POLI: variants seen among roughly 807,000 people sequenced by gnomAD.
The protein encoded by POLI is RAD30 homolog B.
Under a neutral mutation model 51.6 loss-of-function variants are expected in POLI, and 58 were observed. The observed-to-expected ratio is 1.12, with a 90% confidence interval of 0.91 to 1.40. The LOEUF (loss-of-function observed/expected upper bound fraction) is 1.40. POLI is among the 40% of genes most tolerant of loss of function. The pLI is 0.00. For missense variants in POLI, 921 were observed against 871.3 expected (o/e 1.06, Z -0.72); for synonymous variants, 322 against 299.7 (o/e 1.07, Z -0.77).
intron 3 of POLI, among the ~76,000 whole-genome samples, chr18:54,317,478 G>A (rs934443136): frequency 6.6e-6 from 1 of 152,176 alleles, no homozygotes; most frequent in African/African-American, 2.4e-5. Context: ...GCAAAAAAGT[G>A]TTAGTGAAAA....
intron 3 of POLI, among the ~76,000 whole-genome samples, chr18:54,307,176 G>A (rs1175764542): frequency 6.6e-6 from 1 of 152,114 alleles, no homozygotes; most frequent in African/African-American, 2.4e-5. Context: ...TTTTAATTGT[G>A]ATGTTAGGGT....
intron 4 of POLI, 127 bp from the exon 5 acceptor site, chr18:54,280,540 T>C (rs2087447538): frequency 1.6e-6 from 1 of 642,368 alleles, no homozygotes; most frequent in Admixed American, 2.7e-5. Flanking sequence ...TACCAGGTGA[T>C]GATGGTGGTG....
rs1190005791 is a variant in POLI at position 54,277,736 on chromosome 18, G to T, written c.440G>T (p.Arg147Ile). The T allele has an allele frequency of 1.2e-6, 2 of 1,606,934 alleles. No individual in the cohort carries two copies. The highest frequency in any genetic ancestry group is 1.7e-5 in the Admixed American group (1 of 59,586). ...LLEEFSPVVE[R>I]LGFDENFVDL... is the part of the protein sequence containing the mutation. Reference sequence around the variant, plus strand: ...GAAGAATTTAGTCCAGTTGTTGAGAGACTTGGATTTGATGAAAATTTTGTG... The same window carrying T: ...GAAGAATTTAGTCCAGTTGTTGAGATACTTGGATTTGATGAAAATTTTGTG... Residue 147 changes from arginine to isoleucine, a missense_variant, in exon 4 of 10, where the codon AGA (arginine) becomes ATA (isoleucine). By Grantham distance (97) the Arg-to-Ile change is moderately conservative. Coordinates refer to ENST00000579534, the MANE Select transcript of POLI (RefSeq NM_007195.3).
intron 6 of POLI, 31 bp downstream of exon 6, chr18:54,283,046 C>T: frequency 7.6e-7 from 1 of 1,322,016 alleles, no homozygotes; most frequent in South Asian, 1.3e-5. Context: ...TAATTAAGTA[C>T]TGGTTATCAC....
chr18:54,273,848 A>C (rs546621151), intron 2 of POLI, 78 bp from the exon 3 acceptor site: 2 of 766,044 alleles, frequency 2.6e-6, no homozygotes, highest in South Asian at 3.6e-5. Context: ...AATTTAGACA[A>C]ATGTAATACG....
At chr18:54,286,444 C>T (rs3730764) in intron 7 of POLI, among the ~76,000 whole-genome samples, 4 of 151,698 alleles carry the variant, frequency 2.6e-5, no homozygotes, top group African/African-American at 9.7e-5. Context: ...ATAGTATATG[C>T]TCTTTTAAGA....
At chr18:54,278,994 G>C (rs1401785361) in intron 4 of POLI, among the ~76,000 whole-genome samples, 4 of 152,092 alleles carry the variant, frequency 2.6e-5, no homozygotes, top group Middle Eastern at 3.2e-3. Context: ...TTTTGTACTT[G>C]TGCTCATTTG....
intron 9 of POLI, among the ~76,000 whole-genome samples, chr18:54,292,939 T>G (rs1245104486): frequency 6.6e-6 from 1 of 152,068 alleles, no homozygotes; most frequent in Non-Finnish European, 1.5e-5. Context: ...GAAAGTACCT[T>G]GTATGTATTT....
intron 4 of POLI, among the ~76,000 whole-genome samples, chr18:54,278,651 G>T (rs919848785): frequency 3.3e-5 from 5 of 152,178 alleles, no homozygotes; most frequent in African/African-American, 1.2e-4. Context: ...AAGCAGAATG[G>T]TTTGTCTCCT....
At chr18:54,277,191 A>G (rs1425614140) in intron 3 of POLI, among the ~76,000 whole-genome samples, 8 of 152,364 alleles carry the variant, frequency 5.3e-5, no homozygotes, top group Middle Eastern at 3.4e-3. Context: ...GCTAATAAAA[A>G]TACCACGTTA....
chr18:54,314,642 A>C (rs2088708689), intron 3 of POLI, among the ~76,000 whole-genome samples: 1 of 151,812 alleles, frequency 6.6e-6, no homozygotes, highest in Non-Finnish European at 1.5e-5. Flanking sequence ...TCAATTTTGG[A>C]CTCATTAGTG....
chr18:54,319,743 C>A (rs1020274808), intron 3 of POLI, among the ~76,000 whole-genome samples: 25 of 151,970 alleles, frequency 1.6e-4, no homozygotes, highest in African/African-American at 6.0e-4. Flanking sequence ...GATGACAGGG[C>A]AAGGAGAAGG....
chr18:54,281,741 TG>T (rs2087508190), intron 5 of POLI, among the ~76,000 whole-genome samples: 1 of 138,158 alleles, frequency 7.2e-6, no homozygotes, highest in African/African-American at 2.5e-5. Flanking sequence ...TTCGAGTTCT[TG>T]TATCTTTTTT....
rs748735279 is a variant in POLI, at chr18:54,269,605, A to G, written c.59A>G (p.Asp20Gly). 30 of 1,501,926 alleles carry G rather than the reference A, an allele frequency of 2.0e-5. No homozygotes were observed. The Middle Eastern group carries it at 9.4e-4, about 47-fold the overall frequency. The allele number at this position is 1,501,926 out of a possible 1,614,324, so 93.0% of individuals were successfully genotyped here. A position where few individuals can be genotyped will look rare whatever the true frequency, so the allele number is the denominator to read the frequency against. The change falls in exon 1 of 10, where the codon GAC (aspartate) becomes GGC (glycine). Residue 20 changes from aspartate to glycine, a missense_variant. Physicochemically the swap from Asp to Gly is moderately conservative, Grantham distance 94 (BLOSUM62 -1). Coordinates refer to ENST00000579534, the MANE Select transcript of POLI (RefSeq NM_007195.3). ...EEGGGDDDEEDAEAWAMELAD... is the reference protein window; with the variant it reads ...EEGGGDDDEEGAEAWAMELAD... ...GGCGGCGGCGACGACGACGAGGAAG[A>G]CGCCGAGGCCTGGGCCATGGAACTG... is the stretch of plus-strand genomic sequence containing the variant.
chr18:54,319,184 A>G (rs2088766946), intron 3 of POLI, among the ~76,000 whole-genome samples: 1 of 152,180 alleles, frequency 6.6e-6, no homozygotes, highest in South Asian at 2.1e-4. Flanking sequence ...CCATCATATC[A>G]GATCTCTACT....
intron 3 of POLI, among the ~76,000 whole-genome samples, chr18:54,307,974 G>C (rs2088616436): frequency 6.6e-6 from 1 of 150,980 alleles, no homozygotes; most frequent in Non-Finnish European, 1.5e-5. Flanking sequence ...GCTTATGTGT[G>C]TCTCTGCACG....
Position 54,294,793 on chromosome 18 carries a change from G to T in POLI, c.*326G>T. On this transcript the variant is annotated 3_prime_UTR_variant, in exon 10 of 10. Transcript: ENST00000579534. The stretch of plus-strand genomic sequence containing the variant: ...ATATATAAAAAATAGCCAAATCGTT[G>T]CAATGATATGGTAAAGGACACATTT... 1 of 982,238 alleles carries T rather than the reference G, an allele frequency of 1.0e-6. No homozygotes were observed. The allele number at this position is 982,238 out of a possible 1,614,324, so 60.8% of individuals were successfully genotyped here. A position where few individuals can be genotyped will look rare whatever the true frequency, so the allele number is the denominator to read the frequency against.
intron 8 of POLI, chr18:54,291,605 G>C: frequency 3.5e-6 from 1 of 282,914 alleles, no homozygotes; most frequent in Non-Finnish European, 6.5e-6. Context: ...GTAGCTTTTT[G>C]AGAGAGGATT....
chr18:54,287,610 T>A (rs1207695264), intron 8 of POLI, 199 bp downstream of exon 8: 2 of 411,490 alleles, frequency 4.9e-6, no homozygotes, highest in Non-Finnish European at 9.1e-6. Context: ...AGACAGGGTC[T>A]TGCTCTGCAC....
Sources: allele counts gnomAD v4.1 joint callset (sites outside exome capture counted in the v4.1 genomes callset), GRCh38; gene constraint gnomAD v4.1.1; transcripts MANE v1.5; gene names NCBI Gene and HGNC (gene_info 2026-07-23, HGNC 2026-07-21).